Variants in CHCHD6 observed in about 807,000 individuals in gnomAD.
CHCHD6 encodes MICOS complex subunit MIC25.
CHCHD6 carries 28 observed loss-of-function variants against 32.3 expected under a neutral mutation model. That is an observed-to-expected ratio of 0.87 (90% CI 0.64 to 1.19). The LOEUF is 1.19. Ranked by LOEUF, CHCHD6 falls within the 50% of genes most tolerant of loss-of-function variation. CHCHD6 has a pLI of 0.00. For synonymous variants in CHCHD6, 122 were observed against 117.5 expected, an observed-to-expected ratio of 1.04 and a Z score of -0.25; for missense variants, 333 against 307.0, an observed-to-expected ratio of 1.08 and a Z score of -0.63.
chr3:126,733,881 G>A (rs1306830020), intron 4 of CHCHD6, among the ~76,000 whole-genome samples: 1 of 152,146 alleles, frequency 6.6e-6, no homozygotes, highest in Non-Finnish European at 1.5e-5. Flanking sequence ...GTGCCCCCAG[G>A]GTTGACTAAT....
chr3:126,752,912 C>T (rs997008808), intron 4 of CHCHD6, among the ~76,000 whole-genome samples: 1 of 152,162 alleles, frequency 6.6e-6, no homozygotes, highest in Non-Finnish European at 1.5e-5. Flanking sequence ...ATTGACTCCT[C>T]AACCCCAGCT....
intron 6 of CHCHD6, among the ~76,000 whole-genome samples, chr3:126,917,630 A>C (rs1281144802): frequency 6.6e-6 from 1 of 152,204 alleles, no homozygotes; most frequent in Non-Finnish European, 1.5e-5. Context: ...TATTAGTGTG[A>C]CTGTTTGCTA....
At chr3:126,839,919 C>G (rs1028695111) in intron 4 of CHCHD6, among the ~76,000 whole-genome samples, 8 of 152,102 alleles carry the variant, frequency 5.3e-5, no homozygotes, top group African/African-American at 1.7e-4. Context: ...TTTTCATCAC[C>G]TGGATGGAAA....
rs927148286 is a variant in CHCHD6 at position 126,935,454 on chromosome 3, C to G, written c.566+20704C>G. ...CCAGGTTAAGTCCCAGGCTGATGTT[C>G]CATAGACAAGGACAGCATTGCATGG... On this transcript the variant is annotated intron_variant, in intron 6 of 7. Coordinates refer to ENST00000290913, the MANE Select transcript of CHCHD6 (RefSeq NM_032343.3). Among the ~76,000 whole-genome samples the G allele has an allele frequency of 6.6e-5, 10 of 152,296 alleles. No homozygotes were observed. In the East Asian group the frequency reaches 1.9e-3, roughly 29 times the overall value.
chr3:126,867,009 G>A (rs17750671), intron 5 of CHCHD6, among the ~76,000 whole-genome samples: 13,945 of 152,256 alleles, frequency 0.092, 825 homozygotes, highest in Middle Eastern at 0.22. Context: ...GCTGCAGTGA[G>A]TTCTTAGGCA....
At chr3:126,764,997 C>T (rs372511979) in intron 4 of CHCHD6, among the ~76,000 whole-genome samples, 1 of 152,032 alleles carries the variant, frequency 6.6e-6, no homozygotes, top group Admixed American at 6.6e-5. Flanking sequence ...GACACTGCTA[C>T]GTGCCCTCCA....
At chr3:126,853,259 A>G (rs1315980614) in intron 5 of CHCHD6, among the ~76,000 whole-genome samples, 1 of 151,762 alleles carries the variant, frequency 6.6e-6, no homozygotes, top group African/African-American at 2.4e-5. Flanking sequence ...GCCTTTAAAA[A>G]AAAAAAAAAA....
intron 4 of CHCHD6, among the ~76,000 whole-genome samples, chr3:126,795,400 A>G (rs774118369): frequency 6.6e-5 from 10 of 152,178 alleles, no homozygotes; most frequent in Non-Finnish European, 1.2e-4. Flanking sequence ...AGTGAATTTT[A>G]GTTCTTTTTC....
chr3:126,863,211 T>C (rs1295213763), intron 5 of CHCHD6, among the ~76,000 whole-genome samples: 499 of 14,438 alleles, frequency 0.035, no homozygotes, highest in Admixed American at 0.043. Context: ...CCTTCCCCTC[T>C]ACCACCATCA....
chr3:126,811,631 G>A (rs1259378616), intron 4 of CHCHD6, among the ~76,000 whole-genome samples: 1 of 152,030 alleles, frequency 6.6e-6, no homozygotes, highest in African/African-American at 2.4e-5. Flanking sequence ...CAGCAGCAAG[G>A]TATTTGAGGA....
At chr3:126,873,901 A>G (rs1188915122) in intron 5 of CHCHD6, among the ~76,000 whole-genome samples, 1 of 152,244 alleles carries the variant, frequency 6.6e-6, no homozygotes, top group Admixed American at 6.5e-5. Context: ...GTTAAGTGGT[A>G]GAAGCGGGAT....
intron 4 of CHCHD6, among the ~76,000 whole-genome samples, chr3:126,844,511 A>G (rs1461897744): frequency 1.3e-5 from 2 of 152,172 alleles, no homozygotes; most frequent in African/African-American, 4.8e-5. Flanking sequence ...TTTAACTAAT[A>G]TTAATATAGC....
Position 126,852,690 on chromosome 3 carries a change from A to G in CHCHD6, c.455A>G (p.Asp152Gly), listed in dbSNP as rs757838043. Residue 152 changes from aspartate (D) to glycine (G), a missense_variant, in exon 5 of 8, where the codon GAC becomes GGC. Transcript: ENST00000290913. The stretch of plus-strand genomic sequence containing the variant: ...AGAGAGGCAGAGCTAAGACGCCGTG[A>G]CACCTTCTACAAGGAGCAGCTGGAG... ...ESREAELRRR[D>G]TFYKEQLERI... 1 of 1,613,884 alleles carries G rather than the reference A, an allele frequency of 6.2e-7. No individual in the cohort carries two copies. Among genetic ancestry groups the G allele is most frequent in the Non-Finnish European group, 8.5e-7 (1 of 1,179,860 alleles).
intron 6 of CHCHD6, among the ~76,000 whole-genome samples, chr3:126,927,741 G>A (rs2078345373): frequency 6.6e-6 from 1 of 152,194 alleles, no homozygotes; most frequent in Admixed American, 6.5e-5. Context: ...CTTCTGGAGG[G>A]ATTAAATGTT....
At chr3:126,759,559 A>G (rs1338224155) in intron 4 of CHCHD6, among the ~76,000 whole-genome samples, 1 of 152,168 alleles carries the variant, frequency 6.6e-6, no homozygotes, top group African/African-American at 2.4e-5. Flanking sequence ...ATTGATATTG[A>G]AGAACCCAGC....
chr3:126,803,045 C>G (rs980174323), intron 4 of CHCHD6, among the ~76,000 whole-genome samples: 1 of 152,114 alleles, frequency 6.6e-6, no homozygotes, highest in Non-Finnish European at 1.5e-5. Flanking sequence ...GCCTGCCCTA[C>G]AAGAGCTCCT....
intron 5 of CHCHD6, among the ~76,000 whole-genome samples, chr3:126,862,411 T>TCCC: frequency 8.4e-6 from 1 of 118,414 alleles, no homozygotes; most frequent in African/African-American, 3.3e-5. Flanking sequence ...CACCACCTCC[T>TCCC]CCTCCACCAT....
intron 3 of CHCHD6, among the ~76,000 whole-genome samples, chr3:126,732,133 C>G (rs1034878370): frequency 5.4e-5 from 8 of 149,436 alleles, no homozygotes; most frequent in African/African-American, 2.0e-4. Flanking sequence ...CTGAACCCTG[C>G]TTTTTTGGTA....
chr3:126,838,281 GC>G (rs1366669256), intron 4 of CHCHD6, among the ~76,000 whole-genome samples: 2 of 152,290 alleles, frequency 1.3e-5, no homozygotes, highest in Admixed American at 6.5e-5. Context: ...CAAAGACATG[GC>G]TTTGAGCATC....
Sources: allele counts gnomAD v4.1 joint callset (sites outside exome capture counted in the v4.1 genomes callset), GRCh38; gene constraint gnomAD v4.1.1; transcripts MANE v1.5; gene names NCBI Gene and HGNC (gene_info 2026-07-23, HGNC 2026-07-21).